The following GRAMD1B variants were observed in gnomAD, a reference collection of about 807,000 sequenced individuals.
GRAMD1B encodes GRAM domain containing 1B, also known as protein Aster-B.
GRAMD1B carries 37 observed loss-of-function variants against 99.7 expected under a neutral mutation model. The observed-to-expected ratio is 0.37, with a 90% CI of 0.29 to 0.49. The LOEUF (loss-of-function observed/expected upper bound fraction) is 0.49. Among genes scored for constraint, GRAMD1B ranks in the 20% least tolerant of loss-of-function variants. GRAMD1B has a pLI of 0.98. For synonymous variants in GRAMD1B, 427 were observed against 387.6 expected (o/e 1.10, Z -1.19); for missense variants, 888 against 1,009.2 (o/e 0.88, Z 1.63).
At chr11:123,611,347 T>C (rs1301419493) in intron 14 of GRAMD1B, among the ~76,000 whole-genome samples, 1 of 152,016 alleles carries the variant, frequency 6.6e-6, no homozygotes, top group Non-Finnish European at 1.5e-5. Context: ...GGTGGGAGGA[T>C]TGCTTAAGCC....
intron 1 of GRAMD1B, among the ~76,000 whole-genome samples, chr11:123,424,222 A>C (rs1394559983): frequency 6.6e-6 from 1 of 151,528 alleles, no homozygotes; most frequent in Non-Finnish European, 1.5e-5. Flanking sequence ...ATGCTTCTCA[A>C]ATACAGGTTA....
intron 2 of GRAMD1B, among the ~76,000 whole-genome samples, chr11:123,564,592 T>C (rs1947147082): frequency 6.6e-6 from 1 of 152,226 alleles, no homozygotes; most frequent in South Asian, 2.1e-4. Context: ...TGTCTGTCTC[T>C]CCCATCAGAC....
intron 1 of GRAMD1B, among the ~76,000 whole-genome samples, chr11:123,446,145 C>T (rs1208318799): frequency 1.3e-5 from 2 of 152,080 alleles, no homozygotes; most frequent in Non-Finnish European, 2.9e-5. Context: ...CTAGTAGGGT[C>T]TGTGAGCCTC....
intron 1 of GRAMD1B, among the ~76,000 whole-genome samples, chr11:123,462,169 A>G (rs112919103): frequency 2.1e-4 from 31 of 150,920 alleles, no homozygotes; most frequent in South Asian, 8.4e-4. Context: ...AGGTTTCACC[A>G]TGTTAGCCAG....
chr11:123,405,972 C>T (rs181892163), intron 1 of GRAMD1B, among the ~76,000 whole-genome samples: 7 of 150,958 alleles, frequency 4.6e-5, no homozygotes, highest in African/African-American at 1.2e-4. Context: ...TGGGTTACAT[C>T]GTGCTTCTTA....
chr11:123,530,731 T>C (rs557556066), intron 2 of GRAMD1B, among the ~76,000 whole-genome samples: 200 of 152,320 alleles, frequency 1.3e-3, no homozygotes, highest in Non-Finnish European at 2.4e-3. Flanking sequence ...GCCCTAGACA[T>C]GGCCCCTGCA....
chr11:123,610,270 C>T lies in GRAMD1B; in HGVS notation c.1851C>T (p.Tyr617=). 1 of 1,613,468 alleles carries T rather than the reference C, an allele frequency of 6.2e-7. No individual in the cohort carries two copies. Among genetic ancestry groups the T allele is most frequent in the Non-Finnish European group, 8.5e-7 (1 of 1,179,526 alleles). The change falls in exon 14 of 20, where the codon TAC becomes TAT. Residue 617 remains tyrosine, a synonymous_variant. Coordinates refer to ENST00000635736, the MANE Select transcript of GRAMD1B (RefSeq NM_001387025.1). This position sits in a 1 kb window ranked among gnomAD's most constrained non-coding sequence, Gnocchi z 4.1. ...DAEVLTHDVP[Y]HDYFYTINRY... ...AAGTCCTCACCCACGACGTGCCCTA[C>T]CATGACTACTTCTACACAATCAATC...
At chr11:123,396,097 C>T (rs1947449959) in intron 1 of GRAMD1B, among the ~76,000 whole-genome samples, 1 of 152,058 alleles carries the variant, frequency 6.6e-6, no homozygotes. Context: ...TTTCCCCCTC[C>T]TTGCTACTCC....
intron 2 of GRAMD1B, chr11:123,491,945 C>T: frequency 2.5e-6 from 1 of 399,268 alleles, no homozygotes; most frequent in African/African-American, 2.1e-5. Context: ...AGAAGCTGGC[C>T]TTTCTGCGAG....
At chr11:123,478,304 G>C (rs965609694) in intron 1 of GRAMD1B, among the ~76,000 whole-genome samples, 1 of 152,204 alleles carries the variant, frequency 6.6e-6, no homozygotes, top group Admixed American at 6.5e-5. Flanking sequence ...GAGCCAACCC[G>C]CCTGGTTCCA....
At chr11:123,575,943 T>G (rs1388499269) in intron 2 of GRAMD1B, among the ~76,000 whole-genome samples, 6 of 152,172 alleles carry the variant, frequency 3.9e-5, no homozygotes, top group Non-Finnish European at 8.8e-5. Flanking sequence ...GGCCTTGCTT[T>G]TCTCCATACA....
chr11:123,506,962 A>T (rs1455630011), intron 2 of GRAMD1B, among the ~76,000 whole-genome samples: 1 of 152,232 alleles, frequency 6.6e-6, no homozygotes, highest in Admixed American at 6.5e-5. Context: ...TGTAATACAC[A>T]TATGGTGCTT....
chr11:123,514,917 C>T (rs1211072889), intron 2 of GRAMD1B, among the ~76,000 whole-genome samples: 1 of 152,168 alleles, frequency 6.6e-6, no homozygotes, highest in East Asian at 1.9e-4. Flanking sequence ...TCTTAATTCA[C>T]AGAAACCCTG....
intron 1 of GRAMD1B, among the ~76,000 whole-genome samples, chr11:123,458,069 G>A (rs1950242357): frequency 6.6e-6 from 1 of 152,184 alleles, no homozygotes; most frequent in Non-Finnish European, 1.5e-5. Flanking sequence ...CACGATAAGT[G>A]CGTATGTATG....
intron 2 of GRAMD1B, among the ~76,000 whole-genome samples, chr11:123,482,556 A>G (rs1401528502): frequency 3.9e-5 from 6 of 152,260 alleles, no homozygotes; most frequent in East Asian, 3.8e-4. Flanking sequence ...ATATGAAACA[A>G]TAATATGACA....
At chr11:123,465,133 G>T (rs1950602711) in intron 1 of GRAMD1B, among the ~76,000 whole-genome samples, 1 of 152,138 alleles carries the variant, frequency 6.6e-6, no homozygotes, top group Admixed American at 6.6e-5. Context: ...GGATGGCATT[G>T]CTGGAGGAGA....
chr11:123,396,443 T>C (rs1222987896), intron 1 of GRAMD1B, among the ~76,000 whole-genome samples: 3 of 151,940 alleles, frequency 2.0e-5, no homozygotes, highest in Non-Finnish European at 4.4e-5. Context: ...GCCTGGCTAA[T>C]TTTTGTATTT....
At chr11:123,447,972 T>C (rs1390342290) in intron 1 of GRAMD1B, among the ~76,000 whole-genome samples, 2 of 152,198 alleles carry the variant, frequency 1.3e-5, no homozygotes, top group African/African-American at 4.8e-5. Flanking sequence ...CATCTGTATG[T>C]CCCTTCAGTG....
Position 123,612,525 on chromosome 11 carries a change from G to T in GRAMD1B, c.1920-236G>T, listed in dbSNP as rs139374102. 1.0e-3 allele frequency among the ~76,000 whole-genome samples: 152 copies of T among 152,314 alleles called. 1 individual carries two copies. The highest frequency in any genetic ancestry group is 3.5e-3 in the African/African-American group (147 of 41,572). On this transcript the variant is annotated intron_variant, in intron 14 of 19. Transcript: ENST00000635736. ...GAACTCTGGAGTCAGAACCCTAGTT[G>T]TTAGCCTTTGCTCTGCTTAAATATC... is the stretch of plus-strand genomic sequence containing the variant.
Sources: gnomAD v4.1 joint callset for allele counts (sites outside exome capture counted in the v4.1 genomes callset) on GRCh38, gnomAD v4.1.1 for gene constraint, Gnocchi (gnomAD v3.1) non-coding constraint, MANE v1.5 for transcripts, NCBI Gene and HGNC (gene_info 2026-07-23, HGNC 2026-07-21) for gene names.